Variants in PAM observed in about 807,000 individuals in gnomAD.
PAM encodes peptidylglycine alpha-amidating monooxygenase.
Under a neutral mutation model 122.1 loss-of-function variants are expected in PAM, and 72 were observed. That is an observed-to-expected ratio of 0.59 (90% confidence interval 0.49 to 0.72). PAM has a LOEUF of 0.72. Among genes scored for constraint, PAM ranks in the 30% least tolerant of loss-of-function variants. The pLI, the probability that PAM is intolerant of heterozygous loss-of-function variation, is 0.00. For synonymous variants in PAM, 389 were observed against 404.4 expected (o/e 0.96, Z 0.46); for missense variants, 1,106 against 1,183.7 (o/e 0.93, Z 0.96).
chr5:102,959,341 T>G (rs766372767), intron 12 of PAM, among the ~76,000 whole-genome samples: 5 of 152,056 alleles, frequency 3.3e-5, no homozygotes, highest in Non-Finnish European at 7.4e-5. Context: ...GATTCTAGAT[T>G]CATCTGGCTG....
At chr5:102,885,095 A>ATATAT (rs1561760586) in intron 3 of PAM, among the ~76,000 whole-genome samples, 1 of 136,070 alleles carries the variant, frequency 7.3e-6, no homozygotes, top group African/African-American at 3.4e-5. Context: ...ATATATATAT[A>ATATAT]ACTATAAAAG....
chr5:102,818,301 AT>A (rs1009706687), intron 1 of PAM, among the ~76,000 whole-genome samples: 3 of 152,054 alleles, frequency 2.0e-5, no homozygotes, highest in African/African-American at 7.2e-5. Flanking sequence ...TCTACTCCAA[AT>A]TTAGTAAGTT....
rs1580975276 is a variant in PAM at position 102,854,846 on chromosome 5, A to G, written c.-373-10977A>G. ...AATGCTTTGATCATTTTCAGCCAGA[A>G]GAAAATTATGAAGCTCTTCATTGAT... On this transcript the variant is annotated intron_variant, in intron 1 of 25. Coordinates refer to ENST00000438793, the MANE Select transcript of PAM (RefSeq NM_001177306.2). Among the ~76,000 whole-genome samples the G allele has an allele frequency of 2.6e-5, 4 of 152,342 alleles. 1 individual carries two copies. The highest frequency in any genetic ancestry group is 2.6e-4 in the Admixed American group (4 of 15,312).
intron 7 of PAM, among the ~76,000 whole-genome samples, chr5:102,927,527 T>C (rs1286007729): frequency 1.3e-5 from 2 of 152,166 alleles, no homozygotes; most frequent in African/African-American, 4.8e-5. Flanking sequence ...ATACATTAGC[T>C]ATCTCTCCAG....
intron 4 of PAM, among the ~76,000 whole-genome samples, chr5:102,901,705 G>A (rs942347947): frequency 5.9e-5 from 9 of 151,456 alleles, no homozygotes; most frequent in Non-Finnish European, 1.2e-4. Flanking sequence ...TCTGTCTGTG[G>A]CAGGATGCTT....
chr5:102,972,815 TA>T (rs1766299466), intron 14 of PAM, among the ~76,000 whole-genome samples: 4 of 152,210 alleles, frequency 2.6e-5, no homozygotes, highest in Admixed American at 1.3e-4. Context: ...AGATTGGCCC[TA>T]TTACTTGGTA....
intron 11 of PAM, among the ~76,000 whole-genome samples, chr5:102,950,193 T>C (rs551402269): frequency 6.6e-6 from 1 of 152,272 alleles, no homozygotes; most frequent in South Asian, 2.1e-4. Context: ...TGGTGGCCTT[T>C]CACATCCCAT....
intron 14 of PAM, among the ~76,000 whole-genome samples, chr5:102,972,901 A>T (rs1371831220): frequency 6.6e-6 from 1 of 152,244 alleles, no homozygotes; most frequent in Non-Finnish European, 1.5e-5. Flanking sequence ...ACTTTGAAAC[A>T]TTAAACCAAG....
chr5:102,824,522 T>C (rs1476385855), intron 1 of PAM, among the ~76,000 whole-genome samples: 1 of 152,214 alleles, frequency 6.6e-6, no homozygotes, highest in Non-Finnish European at 1.5e-5. Context: ...TCCCAACACT[T>C]ACACTATATT....
intron 17 of PAM, among the ~76,000 whole-genome samples, chr5:103,003,839 C>T (rs923435615): frequency 4.6e-5 from 7 of 151,944 alleles, no homozygotes; most frequent in South Asian, 2.1e-4. Flanking sequence ...TCTCTTTTTC[C>T]GTCTCAAAGT....
chr5:102,783,090 T>C (rs2431321), intron 1 of PAM, among the ~76,000 whole-genome samples: 58,047 of 151,728 alleles, frequency 0.38, 11,688 homozygotes, highest in African/African-American at 0.49. Flanking sequence ...TTGAGTATGA[T>C]CTTAGCTGGT....
intron 1 of PAM, among the ~76,000 whole-genome samples, chr5:102,760,414 C>G (rs375888741): frequency 1.3e-5 from 2 of 152,142 alleles, no homozygotes; most frequent in South Asian, 4.2e-4. Flanking sequence ...ACCCTGATTT[C>G]GTTAGCCTGC....
chr5:102,790,538 C>T (rs1299341980), intron 1 of PAM, among the ~76,000 whole-genome samples: 2 of 151,904 alleles, frequency 1.3e-5, no homozygotes, highest in Non-Finnish European at 2.9e-5. Context: ...GATGAGAAAC[C>T]TATCCTAATA....
In PAM at chr5:103,005,164, C is replaced by T. The variant is rs1219190262; in HGVS notation, c.1741C>T (p.Pro581Ser). ...ATTTTTATTTTGCAGGTTTTACTTG[C>T]CACATGGCTTGAGTATAGATAAAGA... ...QSSGKNLFYLPHGLSIDKDGN... is the reference protein window; with the variant it reads ...QSSGKNLFYLSHGLSIDKDGN... The change falls in exon 18 of 26, where the codon CCA (proline) becomes TCA (serine). Residue 581 changes from proline (P) to serine (S), a missense_variant. By Grantham distance (74) the Pro-to-Ser change is moderately conservative. Coordinates refer to ENST00000438793, the MANE Select transcript of PAM (RefSeq NM_001177306.2). 6.5e-7 allele frequency: 1 copy of T among 1,538,100 alleles called. No individual in the cohort carries two copies. Among genetic ancestry groups the T allele is most frequent in the East Asian group, 2.2e-5 (1 of 44,522 alleles).
chr5:102,833,648 C>A (rs1776082927), intron 1 of PAM, among the ~76,000 whole-genome samples: 1 of 152,076 alleles, frequency 6.6e-6, no homozygotes, highest in African/African-American at 2.4e-5. Context: ...TTTAGCAGAT[C>A]TTGTTTGTAA....
chr5:102,809,352 CAAAAAAAAAAA>C (rs11302898), intron 1 of PAM, among the ~76,000 whole-genome samples: 2 of 126,246 alleles, frequency 1.6e-5, no homozygotes, highest in African/African-American at 6.0e-5. Flanking sequence ...CTGTCTCTAC[CAAAAAAAAAAA>C]AAAAAAAAGA....
intron 1 of PAM, among the ~76,000 whole-genome samples, chr5:102,855,905 C>CA (rs777581921): frequency 2.0e-5 from 3 of 151,976 alleles, no homozygotes; most frequent in Non-Finnish European, 4.4e-5. Context: ...AAACTAGTAA[C>CA]ACAAAGACCC....
chr5:102,990,259 A>T lies in PAM; in HGVS notation c.1484-13A>T. The T allele has an allele frequency of 6.5e-7, 1 of 1,533,930 alleles. No homozygotes were observed. Among genetic ancestry groups the T allele is most frequent in the Non-Finnish European group, 8.8e-7 (1 of 1,132,780 alleles). ...TTTCCCTTTTACACTAAATGTGTGGATATATCTTTTAGATTTCCACATGGA... is the reference window on the plus strand; with the variant it reads ...TTTCCCTTTTACACTAAATGTGTGGTTATATCTTTTAGATTTCCACATGGA... On this transcript the variant is annotated splice_polypyrimidine_tract_variant and intron_variant, in intron 15 of 25. Coordinates refer to ENST00000438793, the MANE Select transcript of PAM (RefSeq NM_001177306.2).
chr5:102,859,464 A>T (rs569745213), intron 1 of PAM, among the ~76,000 whole-genome samples: 1 of 152,140 alleles, frequency 6.6e-6, no homozygotes, highest in Non-Finnish European at 1.5e-5. Flanking sequence ...AAAATATTTT[A>T]TATACTTGTA....
Sources: allele counts gnomAD v4.1 joint callset (sites outside exome capture counted in the v4.1 genomes callset), GRCh38; gene constraint gnomAD v4.1.1; transcripts MANE v1.5; gene names NCBI Gene and HGNC (gene_info 2026-07-23, HGNC 2026-07-21).